SENP5: variants seen among roughly 807,000 people sequenced by gnomAD.
SENP5 encodes the protein sentrin-specific protease 5.
Under a neutral mutation model 74.2 loss-of-function variants are expected in SENP5, and 21 were observed. The ratio of observed to expected loss-of-function variants is 0.28; its 90% confidence interval spans 0.20 to 0.41. The LOEUF is 0.41. Ranked by LOEUF, SENP5 falls within the 10% of genes least tolerant of loss-of-function variation. The pLI, the probability that SENP5 is intolerant of heterozygous loss-of-function variation, is 1.00. For missense variants in SENP5, 717 were observed against 889.1 expected (o/e 0.81, Z 2.46); for synonymous variants, 311 against 312.7 (o/e 0.99, Z 0.06).
intron 6 of SENP5, chr3:196,914,514 C>G (rs1715269542): frequency 7.2e-6 from 1 of 139,032 alleles, no homozygotes; most frequent in Non-Finnish European, 1.5e-5. Flanking sequence ...ATAGTTCCAG[C>G]TACTCCGGAG....
intron 2 of SENP5, among the ~76,000 whole-genome samples, chr3:196,897,629 T>C (rs778568318): frequency 2.0e-5 from 3 of 152,240 alleles, no homozygotes; most frequent in South Asian, 2.1e-4. Flanking sequence ...GACACTCTTA[T>C]CATCTTTTCT....
At chr3:196,900,265 G>T in intron 4 of SENP5, 100 bp from the exon 5 acceptor site, 2 of 1,208,322 alleles carry the variant, frequency 1.7e-6, no homozygotes, top group Non-Finnish European at 2.3e-6. Context: ...GTACTGAATT[G>T]TATAGGGTTA....
intron 1 of SENP5, among the ~76,000 whole-genome samples, chr3:196,883,042 C>T (rs536860419): frequency 2.6e-5 from 4 of 151,462 alleles, no homozygotes; most frequent in African/African-American, 9.7e-5. Context: ...AAAGTGTGTT[C>T]GGAGTCTCAT....
intron 1 of SENP5, among the ~76,000 whole-genome samples, chr3:196,878,418 G>A (rs1713574437): frequency 6.6e-6 from 1 of 152,072 alleles, no homozygotes; most frequent in Non-Finnish European, 1.5e-5. Flanking sequence ...TTAAGGATAA[G>A]GTACTGTGCC....
chr3:196,894,614 G>C (rs1714364191), intron 2 of SENP5, among the ~76,000 whole-genome samples: 1 of 151,498 alleles, frequency 6.6e-6, no homozygotes, highest in South Asian at 2.1e-4. Context: ...TTTATTGAGT[G>C]ATTTGCTCTT....
Position 196,882,321 on chromosome 3 carries a change from A to G in SENP5, c.-31-2830A>G, listed in dbSNP as rs13323713. Among the ~76,000 whole-genome samples, 328 of 152,170 alleles carry G rather than the reference A, an allele frequency of 2.2e-3. 1 individual carries two copies. Among genetic ancestry groups the G allele is most frequent in the Non-Finnish European group, 3.9e-3 (264 of 68,006 alleles). On this transcript the variant is annotated intron_variant, in intron 1 of 9. Coordinates refer to ENST00000323460, the MANE Select transcript of SENP5 (RefSeq NM_152699.5). ...GCATTGCTGTGCAACCATCACCACC[A>G]TTCATCTCCAGGAACCTTTTTATCT... is the stretch of plus-strand genomic sequence containing the variant.
intron 6 of SENP5, among the ~76,000 whole-genome samples, chr3:196,921,770 G>A (rs1715629033): frequency 6.6e-6 from 1 of 152,312 alleles, no homozygotes; most frequent in South Asian, 2.1e-4. Flanking sequence ...AGACTTAACA[G>A]AAGATTCATT....
rs1406629587 is a variant in SENP5 at position 196,934,417 on chromosome 3, G to GACCT, written c.*3495_*3498dup. 1 of 152,196 alleles carries GACCT rather than the reference G, an allele frequency of 6.6e-6. No homozygotes were observed. The highest frequency in any genetic ancestry group is 2.4e-5 in the African/African-American group (1 of 41,426). The allele number at this position is 152,196 out of a possible 1,614,324, so 9.4% of individuals were successfully genotyped here. ...AATAGTGTGAATTAGATACACTGATGACCTGCTCTGCCTAGTTAAGAAACT... is the reference window on the plus strand; with the variant it reads ...AATAGTGTGAATTAGATACACTGATGACCTACCTGCTCTGCCTAGTTAAGAAACT... On this transcript the variant is annotated 3_prime_UTR_variant, in exon 10 of 10. Transcript: ENST00000323460.
intron 2 of SENP5, among the ~76,000 whole-genome samples, chr3:196,897,849 C>T (rs1312693552): frequency 6.6e-6 from 1 of 152,244 alleles, no homozygotes; most frequent in South Asian, 2.1e-4. Flanking sequence ...CTAAGCCTTG[C>T]CTCAGCTTTT....
At chr3:196,880,424 A>G (rs1713672388) in intron 1 of SENP5, among the ~76,000 whole-genome samples, 1 of 152,140 alleles carries the variant, frequency 6.6e-6, no homozygotes, top group African/African-American at 2.4e-5. Context: ...AGGCCAGGCA[A>G]TTAACGTTGA....
At chr3:196,913,873 TC>T (rs1303580563) in intron 6 of SENP5, 1 of 152,126 alleles carries the variant, frequency 6.6e-6, no homozygotes, top group Non-Finnish European at 1.5e-5. Flanking sequence ...GGTCTCGAAC[TC>T]CTGGCCTCAA....
chr3:196,886,786 C>A, intron 2 of SENP5, 92 bp downstream of exon 2: 2 of 1,036,870 alleles, frequency 1.9e-6, no homozygotes, highest in Non-Finnish European at 2.7e-6. Flanking sequence ...TTTTCTCCCA[C>A]TCATGAATAT....
Position 196,886,141 on chromosome 3 carries a change from C to A in SENP5, c.960C>A (p.Asn320Lys). 6.2e-7 allele frequency: 1 copy of A among 1,614,216 alleles called. No individual in the cohort carries two copies. The highest frequency in any genetic ancestry group is 8.5e-7 in the Non-Finnish European group (1 of 1,180,040). The part of the protein sequence containing the change: ...MDSSAVVKGT[N>K]SHVPDCHTKG... ...GCAGTGCTGTGGTGAAGGGGACGAACTCTCATGTGCCTGATTGCCACACTA... is the reference window on the plus strand; with the variant it reads ...GCAGTGCTGTGGTGAAGGGGACGAAATCTCATGTGCCTGATTGCCACACTA... Residue 320 changes from asparagine to lysine, a missense_variant, in exon 2 of 10, where the codon AAC becomes AAA. Coordinates refer to ENST00000323460, the MANE Select transcript of SENP5 (RefSeq NM_152699.5).
chr3:196,909,907 A>G (rs1049548570), intron 6 of SENP5, among the ~76,000 whole-genome samples: 3 of 152,198 alleles, frequency 2.0e-5, no homozygotes, highest in East Asian at 3.8e-4. Context: ...GGCCAGGGCA[A>G]TCAGGCAAGA....
chr3:196,894,522 T>C (rs1714357752), intron 2 of SENP5, among the ~76,000 whole-genome samples: 1 of 150,002 alleles, frequency 6.7e-6, no homozygotes, highest in Non-Finnish European at 1.5e-5. Context: ...ATAAAATATT[T>C]AGTTGCGAGT....
At chr3:196,902,265 T>G (rs546465841) in intron 5 of SENP5, among the ~76,000 whole-genome samples, 53 of 152,372 alleles carry the variant, frequency 3.5e-4, no homozygotes, top group African/African-American at 1.1e-3. Context: ...TAGAGGCATG[T>G]GCCACTGTGC....
At chr3:196,870,189 G>T (rs1577784666) in intron 1 of SENP5, among the ~76,000 whole-genome samples, 1 of 152,244 alleles carries the variant, frequency 6.6e-6, no homozygotes, top group South Asian at 2.1e-4. Context: ...CTGATTTAAA[G>T]AATTTGGTAG....
At chr3:196,900,329 G>GAGAT in intron 4 of SENP5, 36 bp from the exon 5 acceptor site, 1 of 1,574,202 alleles carries the variant, frequency 6.4e-7, no homozygotes. Flanking sequence ...TTAACTGGCA[G>GAGAT]AGATAGTAAG....
chr3:196,910,210 T>G (rs1006319433), intron 6 of SENP5, among the ~76,000 whole-genome samples: 1 of 151,858 alleles, frequency 6.6e-6, no homozygotes, highest in Non-Finnish European at 1.5e-5. Context: ...GAAGGACCTC[T>G]TCAAGGAGAA....
Sources: allele counts gnomAD v4.1 joint callset (sites outside exome capture counted in the v4.1 genomes callset), GRCh38; gene constraint gnomAD v4.1.1; transcripts MANE v1.5; gene names NCBI Gene and HGNC (gene_info 2026-07-23, HGNC 2026-07-21).